NF1: variants seen among roughly 807,000 people sequenced by gnomAD.
NF1 encodes neurofibromin.
NF1 carries 122 observed loss-of-function variants against 325.7 expected under a neutral mutation model. The ratio of observed to expected loss-of-function variants is 0.37; its 90% CI spans 0.32 to 0.44. NF1 has a LOEUF of 0.44. Among genes scored for constraint, NF1 ranks in the 20% least tolerant of loss-of-function variants. The pLI is 1.00. For missense variants in NF1, 2,140 were observed against 3,415.4 expected, an observed-to-expected ratio of 0.63 and a Z score of 9.31; for synonymous variants, 1,091 against 1,186.0, an observed-to-expected ratio of 0.92 and a Z score of 1.65.
chr17:31,140,046 G>A (rs1916105330), intron 1 of NF1, among the ~76,000 whole-genome samples: 1 of 152,164 alleles, frequency 6.6e-6, no homozygotes, highest in Non-Finnish European at 1.5e-5. Context: ...TTCTTAGCAA[G>A]CATGTACTAA....
At position 31,374,150 on chromosome 17, in the gene NF1, G is replaced by A. The variant is rs368149035; in HGVS notation, c.8515G>A (p.Val2839Met). The A allele has an allele frequency of 2.0e-5, 32 of 1,614,014 alleles. 1 individual carries two copies. Among genetic ancestry groups the A allele is most frequent in the South Asian group, 1.4e-4 (13 of 91,074 alleles). ...SFKRNSIKKI[V>M] Reference sequence around the variant, plus strand: ...CAAACGTAATAGCATTAAGAAGATCGTGTGAAGCTTGCTTGCTTTCTTTTT... The same window carrying A: ...CAAACGTAATAGCATTAAGAAGATCATGTGAAGCTTGCTTGCTTTCTTTTT... The change falls in exon 58 of 58, where the codon GTG becomes ATG. Residue 2839 changes from valine to methionine, a missense_variant. Coordinates refer to ENST00000358273, the MANE Select transcript of NF1 (RefSeq NM_001042492.3).
chr17:31,184,060 T>G (rs1309160351), intron 8 of NF1, among the ~76,000 whole-genome samples: 1 of 152,140 alleles, frequency 6.6e-6, no homozygotes, highest in Non-Finnish European at 1.5e-5. Context: ...AACGGAGTAT[T>G]AAGGATGGAG....
At chr17:31,227,667 T>G in intron 20 of NF1, 61 bp downstream of exon 20, 1 of 1,408,510 alleles carries the variant, frequency 7.1e-7, no homozygotes, top group South Asian at 1.2e-5. Flanking sequence ...GTACTTCACT[T>G]TGATAATCTT....
At chr17:31,215,139 A>G (rs746097440) in intron 13 of NF1, among the ~76,000 whole-genome samples, 13 of 152,090 alleles carry the variant, frequency 8.5e-5, no homozygotes, top group Non-Finnish European at 1.5e-4. Flanking sequence ...TTATTTTGAG[A>G]CAGGGTCTTG....
intron 12 of NF1, among the ~76,000 whole-genome samples, chr17:31,213,067 G>T (rs2066757178): frequency 6.6e-6 from 1 of 152,148 alleles, no homozygotes; most frequent in African/African-American, 2.4e-5. Context: ...CTGCATCAGG[G>T]AAGAGCCATT....
At chr17:31,135,574 T>C (rs1426933930) in intron 1 of NF1, among the ~76,000 whole-genome samples, 1 of 152,120 alleles carries the variant, frequency 6.6e-6, no homozygotes, top group Non-Finnish European at 1.5e-5. Flanking sequence ...CTAATTATTA[T>C]TACTTTTTTG....
At chr17:31,335,880 T>G (rs2069655554) in intron 40 of NF1, among the ~76,000 whole-genome samples, 1 of 137,526 alleles carries the variant, frequency 7.3e-6, no homozygotes, top group Non-Finnish European at 1.6e-5. Context: ...TTTTTAGAGA[T>G]AGGGTTTTGC....
chr17:31,338,437 A>G (rs1468933225), intron 45 of NF1, among the ~76,000 whole-genome samples: 1 of 152,174 alleles, frequency 6.6e-6, no homozygotes. Context: ...TTTTCAAAGC[A>G]TTTAATTATA....
At chr17:31,267,948 T>A (rs2067820809) in intron 36 of NF1, among the ~76,000 whole-genome samples, 1 of 152,228 alleles carries the variant, frequency 6.6e-6, no homozygotes, top group Non-Finnish European at 1.5e-5. Context: ...GTTGTTTTAG[T>A]TAGGCTTTTA....
At chr17:31,142,827 A>G (rs1257085696) in intron 1 of NF1, among the ~76,000 whole-genome samples, 2 of 151,912 alleles carry the variant, frequency 1.3e-5, no homozygotes, top group African/African-American at 4.8e-5. Flanking sequence ...AGATCGCGCC[A>G]CTGTACTCCA....
intron 36 of NF1, among the ~76,000 whole-genome samples, chr17:31,288,214 G>GT (rs1416404982): frequency 1.3e-5 from 2 of 152,108 alleles, no homozygotes; most frequent in Non-Finnish European, 2.9e-5. Flanking sequence ...AAGTGGGTAT[G>GT]TTGAGCATGT....
chr17:31,260,277 T>TG, intron 33 of NF1, 92 bp from the exon 34 acceptor site: 12 of 1,281,772 alleles, frequency 9.4e-6, no homozygotes, highest in Non-Finnish European at 1.4e-5. Flanking sequence ...TAATCTTAGT[T>TG]ACTTCACAAA....
At chr17:31,306,041 G>T (rs2068711959) in intron 36 of NF1, among the ~76,000 whole-genome samples, 1 of 151,984 alleles carries the variant, frequency 6.6e-6, no homozygotes, top group African/African-American at 2.4e-5. Flanking sequence ...TGATTCTCCT[G>T]CCTTGAAGAA....
intron 36 of NF1, among the ~76,000 whole-genome samples, chr17:31,302,374 TTAAG>T: frequency 6.6e-6 from 1 of 152,130 alleles, no homozygotes; most frequent in Non-Finnish European, 1.5e-5. Context: ...AACGAGCCCA[TTAAG>T]TAACTGTCAC....
intron 30 of NF1, chr17:31,251,609 A>G (rs780976703): frequency 7.1e-5 from 14 of 197,972 alleles, no homozygotes; most frequent in Admixed American, 2.4e-4. Flanking sequence ...CTAATTTATG[A>G]TTCTAAATAA....
At chr17:31,255,461 T>C (rs768957928) in intron 31 of NF1, among the ~76,000 whole-genome samples, 1 of 152,196 alleles carries the variant, frequency 6.6e-6, no homozygotes, top group Non-Finnish European at 1.5e-5. Flanking sequence ...ACGAAACTTG[T>C]TATGTAGCAT....
chr17:31,366,022 C>T (rs2070512935), intron 57 of NF1, among the ~76,000 whole-genome samples: 1 of 151,556 alleles, frequency 6.6e-6, no homozygotes, highest in East Asian at 1.9e-4. Flanking sequence ...GCAACCTCCG[C>T]CTCCCAGGTT....
At position 31,243,180 on chromosome 17, in the gene NF1, C is replaced by CTGTGTGTGTGTGTGTGTGTG. The variant is rs1162406311; in HGVS notation, c.3975-5801_3975-5800insGTGTGTGTGTGTGTGTGTGT. Among the ~76,000 whole-genome samples the CTGTGTGTGTGTGTGTGTGTG allele has an allele frequency of 4.5e-4, 33 of 73,300 alleles. No individual in the cohort carries two copies. The East Asian group carries it at 4.8e-3, about 11-fold the overall frequency. The allele number at this position is 73,300 out of a possible 152,430, so 48.1% of individuals were successfully genotyped here. ...AAACAAACAGAGTCAGTCTCTCTCT[C>CTGTGTGTGTGTGTGTGTGTG]TGTCTGTGTGTGTGTGTGTGTGTGT... On this transcript the variant is annotated intron_variant, in intron 29 of 57. Transcript: ENST00000358273.
At chr17:31,360,840 T>A in intron 57 of NF1, 137 bp downstream of exon 57, 1 of 764,694 alleles carries the variant, frequency 1.3e-6, no homozygotes, top group South Asian at 1.5e-5. Context: ...CTTTACCTTG[T>A]AACTGACTTG....
Sources: allele counts gnomAD v4.1 joint callset (sites outside exome capture counted in the v4.1 genomes callset), GRCh38; gene constraint gnomAD v4.1.1; transcripts MANE v1.5; gene names NCBI Gene and HGNC (gene_info 2026-07-23, HGNC 2026-07-21).